Variants in MMP16 observed in about 807,000 individuals in gnomAD.
MMP16 encodes the protein matrix metallopeptidase 16.
MMP16 carries 12 observed loss-of-function variants against 67.8 expected under a neutral mutation model. The ratio of observed to expected loss-of-function variants is 0.18; its 90% CI spans 0.11 to 0.29. MMP16 has a LOEUF of 0.29. Ranked by LOEUF, MMP16 falls within the 10% of genes least tolerant of loss-of-function variation. The probability of loss-of-function intolerance (pLI) is 1.00; values close to 1 mark genes in which losing one functional copy is unlikely to be tolerated. For synonymous variants in MMP16, 249 were observed against 255.9 expected, an observed-to-expected ratio of 0.97 and a Z score of 0.26; for missense variants, 475 against 765.7, an observed-to-expected ratio of 0.62 and a Z score of 4.48.
chr8:88,110,766 C>T (rs1809321541), intron 6 of MMP16, among the ~76,000 whole-genome samples: 1 of 151,386 alleles, frequency 6.6e-6, no homozygotes, highest in Non-Finnish European at 1.5e-5. Context: ...AGAATTATGG[C>T]CATATACTAT....
chr8:88,071,647 C>T (rs547982490), intron 7 of MMP16, among the ~76,000 whole-genome samples: 6 of 152,192 alleles, frequency 3.9e-5, no homozygotes, highest in African/African-American at 1.4e-4. Flanking sequence ...AGGTTGACAC[C>T]AACTTGTACA....
At chr8:88,262,030 T>G (rs1158209946) in intron 1 of MMP16, among the ~76,000 whole-genome samples, 2 of 152,154 alleles carry the variant, frequency 1.3e-5, no homozygotes, top group African/African-American at 4.8e-5. Flanking sequence ...CTATGATCTC[T>G]CTAGTTCTAC....
chr8:88,209,026 G>T (rs2129812818), intron 1 of MMP16, among the ~76,000 whole-genome samples: 1 of 152,128 alleles, frequency 6.6e-6, no homozygotes, highest in South Asian at 2.1e-4. Flanking sequence ...ACTGATATTA[G>T]ACAATCTAGT....
chr8:88,042,779 G>A (rs569783330), intron 9 of MMP16, among the ~76,000 whole-genome samples: 40 of 152,116 alleles, frequency 2.6e-4, no homozygotes, highest in African/African-American at 9.2e-4. Context: ...TACAAATATG[G>A]ACATTTTTCT....
chr8:88,055,038 G>A (rs2118222814), intron 8 of MMP16, among the ~76,000 whole-genome samples: 1 of 151,940 alleles, frequency 6.6e-6, no homozygotes, highest in South Asian at 2.1e-4. Flanking sequence ...CTCATTGTGA[G>A]CTAGCTAGTA....
At chr8:88,100,919 T>C (rs890517318) in intron 6 of MMP16, among the ~76,000 whole-genome samples, 2 of 149,212 alleles carry the variant, frequency 1.3e-5, no homozygotes, top group Non-Finnish European at 3.0e-5. Context: ...TAGGTGGGAA[T>C]TGAACCATGA....
intron 1 of MMP16, among the ~76,000 whole-genome samples, chr8:88,295,272 A>G (rs1586005516): frequency 6.6e-6 from 1 of 152,178 alleles, no homozygotes. Context: ...AATGTTCTAA[A>G]CCAAGTTCTA....
At chr8:88,239,289 A>G (rs1257465554) in intron 1 of MMP16, among the ~76,000 whole-genome samples, 2 of 56,108 alleles carry the variant, frequency 3.6e-5, no homozygotes, top group African/African-American at 1.3e-4. Context: ...AGACAGACGC[A>G]GTCTCAAAAA....
chr8:88,273,439 T>C (rs963822832), intron 1 of MMP16, among the ~76,000 whole-genome samples: 4 of 152,044 alleles, frequency 2.6e-5, no homozygotes, highest in Admixed American at 2.6e-4. Flanking sequence ...ATCCTCCGAC[T>C]TGACCCAGGA....
intron 4 of MMP16, among the ~76,000 whole-genome samples, chr8:88,129,528 C>G (rs1243702560): frequency 1.3e-5 from 2 of 151,528 alleles, no homozygotes; most frequent in East Asian, 3.9e-4. Flanking sequence ...GATCATTTCC[C>G]TGTGTTCCCT....
rs1035278714 is a variant in MMP16 at position 88,186,303 on chromosome 8, G to A, written c.404+173C>T. The A allele has an allele frequency of 6.0e-5, 41 of 684,708 alleles. 1 individual carries two copies. In the South Asian group the frequency reaches 1.1e-3, roughly 18 times the overall value. 42.4% of individuals were successfully genotyped at this position (684,708 alleles called of 1,614,324 possible). A position where few individuals can be genotyped will look rare whatever the true frequency, so the allele number is the denominator to read the frequency against. ...AAGTGTCTCAGAGTGTCTACATAGG[G>A]TGTCTAATGAACAATTTACTCTCCT... On this transcript the variant is annotated intron_variant, in intron 3 of 9. Coordinates refer to ENST00000286614, the MANE Select transcript of MMP16 (RefSeq NM_005941.5).
At chr8:88,170,456 C>T (rs1808780775) in intron 3 of MMP16, among the ~76,000 whole-genome samples, 1 of 152,006 alleles carries the variant, frequency 6.6e-6, no homozygotes, top group East Asian at 1.9e-4. Flanking sequence ...ATTAATTTTC[C>T]TAATAGTCTT....
intron 1 of MMP16, among the ~76,000 whole-genome samples, chr8:88,251,397 A>T (rs919459797): frequency 1.3e-5 from 2 of 149,808 alleles, no homozygotes; most frequent in African/African-American, 2.5e-5. Context: ...TGGGGAAAGG[A>T]TTCCCTATTT....
intron 6 of MMP16, among the ~76,000 whole-genome samples, chr8:88,084,283 T>C (rs1443802764): frequency 6.6e-6 from 1 of 151,910 alleles, no homozygotes; most frequent in African/African-American, 2.4e-5. Context: ...TGATGTACAA[T>C]CACGTAGAAG....
rs546745809 is a variant in MMP16, at chr8:88,223,519, AG to A, written c.133-26214del. Among the ~76,000 whole-genome samples, 74 of 152,174 alleles carry A rather than the reference AG, an allele frequency of 4.9e-4. 2 individuals are homozygous for A. In the South Asian group the frequency reaches 0.015, roughly 30 times the overall value. ...CATGGAATACTATGCAGCCGTAAAA[AG>A]GATGAGTTCATGTCCTTTGCAGGGA... On this transcript the variant is annotated intron_variant, in intron 1 of 9. Transcript: ENST00000286614.
chr8:88,086,446 T>A (rs1808835529), intron 6 of MMP16, among the ~76,000 whole-genome samples: 1 of 151,886 alleles, frequency 6.6e-6, no homozygotes, highest in Non-Finnish European at 1.5e-5. Flanking sequence ...CAGTTCTGGA[T>A]TCAAAAATAT....
At chr8:88,093,461 C>T (rs1475233839) in intron 6 of MMP16, among the ~76,000 whole-genome samples, 1 of 151,696 alleles carries the variant, frequency 6.6e-6, no homozygotes, top group African/African-American at 2.4e-5. Flanking sequence ...CTGAGACAGC[C>T]TGGTCCATAA....
intron 1 of MMP16, among the ~76,000 whole-genome samples, chr8:88,263,983 A>T (rs1563577510): frequency 9.9e-6 from 1 of 101,124 alleles, no homozygotes; most frequent in East Asian, 4.1e-4. Context: ...AAAGAGAGAG[A>T]GAGAGTGTGT....
intron 1 of MMP16, among the ~76,000 whole-genome samples, chr8:88,292,351 C>G (rs1374851986): frequency 6.6e-6 from 1 of 152,122 alleles, no homozygotes; most frequent in African/African-American, 2.4e-5. Context: ...TAAGAACATA[C>G]CCATATACAA....
Sources: allele counts gnomAD v4.1 joint callset (sites outside exome capture counted in the v4.1 genomes callset), GRCh38; gene constraint gnomAD v4.1.1; transcripts MANE v1.5; gene names NCBI Gene and HGNC (gene_info 2026-07-23, HGNC 2026-07-21).